RHOT1: variants seen among roughly 807,000 people sequenced by gnomAD.
RHOT1 encodes mitochondrial Rho GTPase 1.
In RHOT1, 27 loss-of-function variants were observed where a neutral mutation model predicts 95.3. That is an observed-to-expected ratio of 0.28 (90% CI 0.21 to 0.39). The LOEUF is 0.39. RHOT1 is among the 10% of genes least tolerant of loss of function. RHOT1 has a pLI of 1.00. For missense variants in RHOT1, 578 were observed against 786.7 expected (o/e 0.73, Z 3.17); for synonymous variants, 227 against 263.5 (o/e 0.86, Z 1.34).
chr17:32,191,652 A>G (rs1887635168), intron 8 of RHOT1, among the ~76,000 whole-genome samples: 1 of 152,258 alleles, frequency 6.6e-6, no homozygotes, highest in South Asian at 2.1e-4. Flanking sequence ...TAAAGTATAA[A>G]TAATTCTTAT....
chr17:32,194,828 C>CT (rs11357987), intron 11 of RHOT1, among the ~76,000 whole-genome samples: 2,456 of 125,254 alleles, frequency 0.02, 30 homozygotes, highest in Non-Finnish European at 0.025. Context: ...CTTTTTCTTT[C>CT]TTTTTTTTTT....
intron 1 of RHOT1, among the ~76,000 whole-genome samples, chr17:32,167,997 A>G (rs1036781231): frequency 4.6e-5 from 7 of 152,116 alleles, no homozygotes; most frequent in South Asian, 4.2e-4. Flanking sequence ...TCATCCCACT[A>G]TGCTCTAGCC....
intron 13 of RHOT1, among the ~76,000 whole-genome samples, chr17:32,200,062 C>A (rs888653046): frequency 6.6e-6 from 1 of 151,680 alleles, no homozygotes; most frequent in Admixed American, 6.6e-5. Flanking sequence ...CTGCCTCAGC[C>A]ATGAGGTTCT....
intron 1 of RHOT1, chr17:32,150,288 G>A (rs907338108): frequency 1.7e-5 from 4 of 237,610 alleles, no homozygotes; most frequent in Non-Finnish European, 2.4e-5. Flanking sequence ...ATGAAGATGT[G>A]CTATTTTTTT....
chr17:32,218,584 G>A (rs1019689758), intron 19 of RHOT1, among the ~76,000 whole-genome samples: 3 of 151,700 alleles, frequency 2.0e-5, no homozygotes, highest in Non-Finnish European at 2.9e-5. Context: ...GAGACAGTAG[G>A]ATTCTGTAAG....
At chr17:32,176,278 A>G (rs1213659599) in intron 6 of RHOT1, 65 bp downstream of exon 6, 2 of 1,281,136 alleles carry the variant, frequency 1.6e-6, no homozygotes, top group Non-Finnish European at 2.2e-6. Context: ...AAGGTACAAG[A>G]AGTAGTACAT....
At chr17:32,184,052 C>T (rs2035843878) in intron 8 of RHOT1, among the ~76,000 whole-genome samples, 2 of 152,198 alleles carry the variant, frequency 1.3e-5, no homozygotes, top group African/African-American at 4.8e-5. Flanking sequence ...AATATTTTGC[C>T]ATAGACATTG....
intron 1 of RHOT1, among the ~76,000 whole-genome samples, chr17:32,170,803 TA>T (rs1334804757): frequency 1.3e-5 from 2 of 152,232 alleles, no homozygotes; most frequent in African/African-American, 4.8e-5. Context: ...ATTAAAATGT[TA>T]GTAGAGGATG....
intron 19 of RHOT1, among the ~76,000 whole-genome samples, chr17:32,216,452 C>T (rs1419071450): frequency 4.6e-5 from 7 of 152,038 alleles, no homozygotes; most frequent in African/African-American, 1.7e-4. Context: ...GTTCATGTTA[C>T]TTCTTAAGTT....
chr17:32,159,934 T>C (rs1306576334), intron 1 of RHOT1: 1 of 152,264 alleles, frequency 6.6e-6, no homozygotes, highest in Non-Finnish European at 1.5e-5. Flanking sequence ...CGCAGACCAG[T>C]GTGGGAACTT....
chr17:32,201,627 A>G (rs2037324845), intron 14 of RHOT1, among the ~76,000 whole-genome samples: 1 of 152,188 alleles, frequency 6.6e-6, no homozygotes, highest in Non-Finnish European at 1.5e-5. Context: ...AACCAATTAG[A>G]CAGTATTTAA....
intron 12 of RHOT1, 62 bp from the exon 13 acceptor site, chr17:32,199,343 C>A: frequency 6.8e-7 from 1 of 1,475,276 alleles, no homozygotes; most frequent in Non-Finnish European, 9.2e-7. Context: ...GATTGGGGGG[C>A]TTTTGAGTTG....
At position 32,176,144 on chromosome 17, in the gene RHOT1, G is replaced by A. The variant is rs752251652; in HGVS notation, c.277-17G>A. 2 of 1,609,486 alleles carry A rather than the reference G, an allele frequency of 1.2e-6. No individual in the cohort carries two copies. The highest frequency in any genetic ancestry group is 2.7e-5 in the African/African-American group (2 of 74,670). ...AGATCCTTATCATGGCTAAGCGCTTGTTAATTTTCATTTTAGGTAACAAGT... is the reference window on the plus strand; with the variant it reads ...AGATCCTTATCATGGCTAAGCGCTTATTAATTTTCATTTTAGGTAACAAGT... On this transcript the variant is annotated splice_polypyrimidine_tract_variant and intron_variant, in intron 5 of 19. Coordinates refer to ENST00000545287, the MANE Select transcript of RHOT1 (RefSeq NM_001033566.3).
intron 19 of RHOT1, among the ~76,000 whole-genome samples, chr17:32,212,478 G>C (rs2038199516): frequency 6.6e-6 from 1 of 152,172 alleles, no homozygotes; most frequent in Non-Finnish European, 1.5e-5. Context: ...ATGACTGACA[G>C]AAAATGCAAG....
intron 1 of RHOT1, chr17:32,150,674 T>G: frequency 3.1e-6 from 5 of 1,598,268 alleles, no homozygotes; most frequent in Non-Finnish European, 4.3e-6. Flanking sequence ...TCAGGAAGAT[T>G]ATACAGTTCT....
chr17:32,180,415 G>A (rs1378086532), intron 6 of RHOT1, among the ~76,000 whole-genome samples: 1 of 151,746 alleles, frequency 6.6e-6, no homozygotes, highest in Non-Finnish European at 1.5e-5. Context: ...ATGGATTAAG[G>A]GCAGTGCAAG....
chr17:32,143,991 G>A (rs2030877327), intron 1 of RHOT1, among the ~76,000 whole-genome samples: 1 of 152,110 alleles, frequency 6.6e-6, no homozygotes, highest in South Asian at 2.1e-4. Flanking sequence ...AGCTTAGCCA[G>A]CCATAGTTTA....
chr17:32,202,819 T>C lies in RHOT1; in HGVS notation c.1251T>C (p.Asn417=). ...IDLQKKQTQR[N]VFRCNVIGVK... is the part of the protein sequence containing the mutation. ...TGCAGAAAAAACAAACTCAAAGAAA[T>C]GTGTTCAGATGTAATGTAATTGGAG... is the stretch of plus-strand genomic sequence containing the variant. Residue 417 remains asparagine, a synonymous_variant, in exon 15 of 20, where the codon AAT becomes AAC. Transcript: ENST00000545287. 3.1e-6 allele frequency: 5 copies of C among 1,609,582 alleles called. No individual in the cohort carries two copies. Among genetic ancestry groups the C allele is most frequent in the Non-Finnish European group, 4.2e-6 (5 of 1,177,102 alleles).
chr17:32,218,910 G>A (rs2038655212), intron 19 of RHOT1, among the ~76,000 whole-genome samples: 1 of 152,080 alleles, frequency 6.6e-6, no homozygotes, highest in South Asian at 2.1e-4. Context: ...ATGAGAAAAA[G>A]CTAAATATGG....
Sources: allele counts gnomAD v4.1 joint callset (sites outside exome capture counted in the v4.1 genomes callset), GRCh38; gene constraint gnomAD v4.1.1; transcripts MANE v1.5; gene names NCBI Gene and HGNC (gene_info 2026-07-23, HGNC 2026-07-21).